Variants in FCRL2 observed in about 807,000 individuals in gnomAD.
FCRL2 encodes Fc receptor like 2, also known as Fc receptor-like protein 2.
Under a neutral mutation model 59.8 loss-of-function variants are expected in FCRL2, and 48 were observed. The observed-to-expected ratio is 0.80, with a 90% CI of 0.64 to 1.02. The LOEUF (loss-of-function observed/expected upper bound fraction) is 1.02. FCRL2 is among the 50% of genes least tolerant of loss of function. The pLI, the probability that FCRL2 is intolerant of heterozygous loss-of-function variation, is 0.00. For missense variants in FCRL2, 658 were observed against 597.3 expected (o/e 1.10, Z -1.06); for synonymous variants, 251 against 229.5 (o/e 1.09, Z -0.85).
intron 7 of FCRL2, among the ~76,000 whole-genome samples, chr1:157,758,616 G>GA (rs141349099): frequency 0.016 from 439 of 28,292 alleles, no homozygotes; most frequent in African/African-American, 0.054. Context: ...TGCAAAATTA[G>GA]AAAAAAAAAT....
intron 7 of FCRL2, among the ~76,000 whole-genome samples, chr1:157,758,814 T>C (rs927526229): frequency 6.6e-6 from 1 of 151,514 alleles, no homozygotes; most frequent in South Asian, 2.1e-4. Flanking sequence ...ACAAAGCTGA[T>C]AAACACAAGC....
chr1:157,754,866 C>T (rs1489000880), intron 7 of FCRL2, among the ~76,000 whole-genome samples: 3 of 151,122 alleles, frequency 2.0e-5, no homozygotes, highest in Non-Finnish European at 2.9e-5. Context: ...CTCAGGAGGC[C>T]GAGGTAGGAG....
chr1:157,746,850 A>T (rs1235886059), intron 11 of FCRL2, 21 bp downstream of exon 11: 1 of 1,614,000 alleles, frequency 6.2e-7, no homozygotes, highest in African/African-American at 1.3e-5. Flanking sequence ...AGATGAAGAA[A>T]TTCCAAGGTG....
Position 157,767,664 on chromosome 1 carries a change from C to T in FCRL2, c.884-155G>A, listed in dbSNP as rs1649623701. The T allele has an allele frequency of 8.1e-6, 13 of 1,597,138 alleles. No homozygotes were observed. In the East Asian group the frequency reaches 2.7e-4, roughly 33 times the overall value. On this transcript the variant is annotated intron_variant, in intron 5 of 11. Coordinates refer to ENST00000361516, the MANE Select transcript of FCRL2 (RefSeq NM_030764.4). ...CTAGAACAGTTAGAGATAATTTTCTCAACAATATATTTAGACGTTTGAGGG... is the reference window on the plus strand; with the variant it reads ...CTAGAACAGTTAGAGATAATTTTCTTAACAATATATTTAGACGTTTGAGGG...
chr1:157,748,424 G>A (rs1647917312), intron 10 of FCRL2, 129 bp downstream of exon 10: 7 of 374,938 alleles, frequency 1.9e-5, no homozygotes, highest in Non-Finnish European at 2.9e-5. Flanking sequence ...CTCCTCAAAA[G>A]TAGATAGATA....
intron 7 of FCRL2, among the ~76,000 whole-genome samples, chr1:157,751,551 G>A (rs1258382038): frequency 2.0e-5 from 3 of 152,192 alleles, no homozygotes; most frequent in East Asian, 1.9e-4. Context: ...GGGGAGATAC[G>A]GTCATCTGCC....
At chr1:157,750,996 G>A (rs1648143020) in intron 7 of FCRL2, among the ~76,000 whole-genome samples, 2 of 151,980 alleles carry the variant, frequency 1.3e-5, no homozygotes. Context: ...ACAAAACTAT[G>A]AAAAAATTGA....
intron 4 of FCRL2, chr1:157,769,610 G>C (rs1197847879): frequency 3.2e-6 from 1 of 308,774 alleles, no homozygotes; most frequent in Non-Finnish European, 6.2e-6. Flanking sequence ...TGTATTTTTA[G>C]TAGAGACGGG....
chr1:157,745,833 T>A lies in FCRL2; in HGVS notation c.*903A>T, dbSNP rs1647702591. On this transcript the variant is annotated 3_prime_UTR_variant, in exon 12 of 12. Transcript: ENST00000361516. ...ATGTCAAAAATCACATTTTTGCAACTATATGCATACTTTGGTGATATTGCA... is the reference window on the plus strand; with the variant it reads ...ATGTCAAAAATCACATTTTTGCAACAATATGCATACTTTGGTGATATTGCA... 6.6e-6 allele frequency: 1 copy of A among 152,242 alleles called. No individual in the cohort carries two copies. The highest frequency in any genetic ancestry group is 6.5e-5 in the Admixed American group (1 of 15,286). The allele number at this position is 152,242 out of a possible 1,614,324, so 9.4% of individuals were successfully genotyped here.
chr1:157,768,768 C>A, intron 4 of FCRL2, 67 bp from the exon 5 acceptor site: 1 of 1,441,572 alleles, frequency 6.9e-7, no homozygotes, highest in South Asian at 1.4e-5. Context: ...TTGACTGATT[C>A]CATTCTCTAA....
intron 7 of FCRL2, among the ~76,000 whole-genome samples, chr1:157,763,628 T>G (rs1439594108): frequency 1.3e-5 from 2 of 152,206 alleles, no homozygotes; most frequent in African/African-American, 4.8e-5. Context: ...GTACTTTACC[T>G]GTAAAGACAT....
At chr1:157,756,216 T>C (rs1648579667) in intron 7 of FCRL2, among the ~76,000 whole-genome samples, 2 of 152,204 alleles carry the variant, frequency 1.3e-5, no homozygotes, top group Non-Finnish European at 2.9e-5. Flanking sequence ...TGATTTAGGG[T>C]ATGGCTAATT....
At chr1:157,748,847 C>T in intron 9 of FCRL2, 28 bp downstream of exon 9, 1 of 1,604,708 alleles carries the variant, frequency 6.2e-7, no homozygotes, top group Non-Finnish European at 8.5e-7. Context: ...GACTCAGCCT[C>T]AGAGCCCTTC....
At position 157,769,932 on chromosome 1, in the gene FCRL2, A is replaced by G. The variant is rs1557868378; in HGVS notation, c.529T>C (p.Cys177Arg). Residue 177 changes from cysteine (C) to arginine (R), a missense_variant, in exon 4 of 12, where the codon TGC becomes CGC. Cys to Arg is a radical substitution (Grantham distance 180). Transcript: ENST00000361516. ...CTGTGAGTCACCGTTTCTGCCTTGC[A>G]CCAGTAAGACCCTGTGTCTTCACTC... ...VWSEDTGSYWCKAETVTHRIR... is the reference protein window; with the variant it reads ...VWSEDTGSYWRKAETVTHRIR... 6.2e-7 allele frequency: 1 copy of G among 1,614,158 alleles called. No individual in the cohort carries two copies. Among genetic ancestry groups the G allele is most frequent in the Admixed American group, 1.7e-5 (1 of 60,018 alleles).
intron 2 of FCRL2, among the ~76,000 whole-genome samples, chr1:157,771,854 A>G (rs1650045742): frequency 6.6e-6 from 1 of 152,118 alleles, no homozygotes; most frequent in African/African-American, 2.4e-5. Context: ...AGGAAGCAGA[A>G]GTCAATAAAA....
At position 157,770,495 on chromosome 1, in the gene FCRL2, C is replaced by T; in HGVS notation, c.224G>A (p.Ser75Asn). 3 of 1,614,142 alleles carry T rather than the reference C, an allele frequency of 1.9e-6. No homozygotes were observed. Among genetic ancestry groups the T allele is most frequent in the South Asian group, 1.1e-5 (1 of 91,080 alleles). ...ACTACAGAAATAGTTACCACTGTCA[C>T]TTAAAACTGCACTTTGGATAAGGAA... ...SDFLIQSAVL[S>N]DSGNYFCSTK... Residue 75 changes from serine to asparagine, a missense_variant, in exon 3 of 12, where the codon AGT becomes AAT. Physicochemically the swap from Ser to Asn is conservative, Grantham distance 46 (BLOSUM62 1). Transcript: ENST00000361516.
rs774232460 is a variant in FCRL2, at chr1:157,768,447, T to C, written c.850A>G (p.Ile284Val). The change falls in exon 5 of 12, where the codon ATC becomes GTC. Residue 284 changes from isoleucine (I) to valine (V), a missense_variant. Coordinates refer to ENST00000361516, the MANE Select transcript of FCRL2 (RefSeq NM_030764.4). ...YCRADNGHVP[I>V]QSKVVNIPVR... is the part of the protein sequence containing the mutation. ...GGGATATTCACCACCTTGCTCTGGATAGGCACATGGCCGTTGTCAGCTCTA... is the reference window on the plus strand; with the variant it reads ...GGGATATTCACCACCTTGCTCTGGACAGGCACATGGCCGTTGTCAGCTCTA... 6.2e-6 allele frequency: 10 copies of C among 1,614,222 alleles called. No homozygotes were observed. The highest frequency in any genetic ancestry group is 2.2e-5 in the South Asian group (2 of 91,084).
In FCRL2 at chr1:157,760,599, C is replaced by G. The variant is rs1038919647; in HGVS notation, c.1279+6256G>C. Reference sequence around the variant, plus strand: ...GCCAAGATTGTTCATTGCACTCCAACCTGGGAGACAGAGTGAGACTTTGTC... The same window carrying G: ...GCCAAGATTGTTCATTGCACTCCAAGCTGGGAGACAGAGTGAGACTTTGTC... On this transcript the variant is annotated intron_variant, in intron 7 of 11. Coordinates refer to ENST00000361516, the MANE Select transcript of FCRL2 (RefSeq NM_030764.4). Among the ~76,000 whole-genome samples the G allele has an allele frequency of 2.0e-5, 3 of 148,504 alleles. No individual in the cohort carries two copies. The East Asian group carries it at 6.0e-4, about 30-fold the overall frequency.
At chr1:157,764,097 G>A (rs1279778884) in intron 7 of FCRL2, among the ~76,000 whole-genome samples, 1 of 151,408 alleles carries the variant, frequency 6.6e-6, no homozygotes, top group African/African-American at 2.4e-5. Flanking sequence ...CCAGCTACTT[G>A]GGAGGCTGAG....
Sources: allele counts gnomAD v4.1 joint callset (sites outside exome capture counted in the v4.1 genomes callset), GRCh38; gene constraint gnomAD v4.1.1; transcripts MANE v1.5; gene names NCBI Gene and HGNC (gene_info 2026-07-23, HGNC 2026-07-21).